EEFSEC: variants seen among roughly 807,000 people sequenced by gnomAD.
EEFSEC encodes the protein eukaryotic elongation factor, selenocysteine-tRNA specific, also known as selenocysteine-specific elongation factor.
EEFSEC carries 43 observed loss-of-function variants against 42.1 expected under a neutral mutation model. The ratio of observed to expected loss-of-function variants is 1.02; its 90% CI spans 0.80 to 1.32. EEFSEC has a LOEUF of 1.32. Ranked by LOEUF, EEFSEC falls within the 40% of genes most tolerant of loss-of-function variation. The probability of loss-of-function intolerance (pLI) is 0.00; values close to 1 mark genes in which losing one functional copy is unlikely to be tolerated. For missense variants in EEFSEC, 745 were observed against 803.6 expected (o/e 0.93, Z 0.88); for synonymous variants, 354 against 339.1 (o/e 1.04, Z -0.48).
chr3:128,357,610 G>A (rs935792498), intron 5 of EEFSEC, among the ~76,000 whole-genome samples: 6 of 152,218 alleles, frequency 3.9e-5, no homozygotes, highest in African/African-American at 1.2e-4. Flanking sequence ...ACTGTACATA[G>A]GGGTGTGTGC....
intron 4 of EEFSEC, among the ~76,000 whole-genome samples, chr3:128,284,815 T>C (rs568849232): frequency 1.2e-4 from 18 of 151,984 alleles, no homozygotes; most frequent in African/African-American, 4.1e-4. Flanking sequence ...CACTCCCCCA[T>C]GTCTACACGG....
the EEFSEC span, among the ~76,000 whole-genome samples, chr3:128,416,729 G>C: frequency 5.1e-4 from 78 of 152,258 alleles, 1 homozygote; most frequent in African/African-American, 1.5e-3. Flanking sequence ...TGGACAGCAT[G>C]AACTTGAAGC....
intron 1 of EEFSEC, among the ~76,000 whole-genome samples, chr3:128,166,087 G>A (rs533168259): frequency 1.3e-5 from 2 of 152,276 alleles, no homozygotes; most frequent in East Asian, 1.9e-4. Context: ...CAGAACTTAC[G>A]CTCTAGAGAG....
Position 128,288,819 on chromosome 3 carries a change from A to G in EEFSEC, c.786+24038A>G, listed in dbSNP as rs150307773. Among the ~76,000 whole-genome samples, 405 of 152,354 alleles carry G rather than the reference A, an allele frequency of 2.7e-3. 1 individual carries two copies. Among genetic ancestry groups the G allele is most frequent in the African/African-American group, 8.9e-3 (372 of 41,574 alleles). ...GTGCTATTGGACTGGGCCAGTGAAG[A>G]CAGCACAGGCATTTTCCAGTTTCAG... On this transcript the variant is annotated intron_variant, in intron 4 of 6. Coordinates refer to ENST00000254730, the MANE Select transcript of EEFSEC (RefSeq NM_021937.5).
intron 4 of EEFSEC, among the ~76,000 whole-genome samples, chr3:128,316,791 G>A (rs1316764246): frequency 6.6e-6 from 1 of 152,202 alleles, no homozygotes; most frequent in Non-Finnish European, 1.5e-5. Flanking sequence ...ATGCTGCTCA[G>A]TGCCATCATT....
At chr3:128,193,350 G>C (rs548025951) in intron 1 of EEFSEC, among the ~76,000 whole-genome samples, 127 of 152,350 alleles carry the variant, frequency 8.3e-4, no homozygotes, top group African/African-American at 2.9e-3. Context: ...TTTTCCAGCA[G>C]GGTGCATCTG....
At chr3:128,410,770 C>T (rs912355405), downstream of EEFSEC, among the ~76,000 whole-genome samples, 2 of 152,312 alleles carry the variant, frequency 1.3e-5, no homozygotes, top group African/African-American at 4.8e-5. Context: ...AGGCCCAGAA[C>T]CCCTCAGGAA....
At chr3:128,348,830 A>G (rs2067347780) in intron 5 of EEFSEC, among the ~76,000 whole-genome samples, 1 of 152,228 alleles carries the variant, frequency 6.6e-6, no homozygotes, top group Admixed American at 6.5e-5. Context: ...CCACATGCAG[A>G]TTCAGACCAG....
At chr3:128,212,497 G>A (rs2999090) in intron 1 of EEFSEC, among the ~76,000 whole-genome samples, 135,326 of 152,224 alleles carry the variant, frequency 0.89, 60,240 homozygotes, top group East Asian at 1. Context: ...ACCTCAGGAA[G>A]GCTGCTGGTA....
At chr3:128,183,079 C>T (rs1352897934) in intron 1 of EEFSEC, among the ~76,000 whole-genome samples, 1 of 152,128 alleles carries the variant, frequency 6.6e-6, no homozygotes, top group Non-Finnish European at 1.5e-5. Context: ...ACTTATTTAA[C>T]CTTTCTGAAC....
Position 128,248,237 on chromosome 3 carries a change from G to C in EEFSEC, c.524+1194G>C, listed in dbSNP as rs561377936. ...AGGGATGCTTCCTCTTTGCTATGCA[G>C]CCTGAGACAATATCCTGCCACTTCC... On this transcript the variant is annotated intron_variant, in intron 2 of 6. Transcript: ENST00000254730. 2.0e-5 allele frequency among the ~76,000 whole-genome samples: 3 copies of C among 152,304 alleles called. No homozygotes were observed. The East Asian group carries it at 5.8e-4, about 29-fold the overall frequency.
chr3:128,327,623 T>C (rs1277465974), intron 4 of EEFSEC, among the ~76,000 whole-genome samples: 1 of 152,044 alleles, frequency 6.6e-6, no homozygotes, highest in African/African-American at 2.4e-5. Context: ...CTGGGAAAGA[T>C]GTGCAGGAAG....
At chr3:128,192,255 G>A (rs577046968) in intron 1 of EEFSEC, among the ~76,000 whole-genome samples, 8 of 152,104 alleles carry the variant, frequency 5.3e-5, no homozygotes, top group Non-Finnish European at 1.0e-4. Context: ...CTGATGCCTC[G>A]TTTCTCTCCA....
intron 4 of EEFSEC, among the ~76,000 whole-genome samples, chr3:128,315,134 T>G (rs1032847824): frequency 6.6e-6 from 1 of 152,198 alleles, no homozygotes. Flanking sequence ...TTCCTTGCTA[T>G]GTGACTTGGG....
chr3:128,387,552 G>GAA (rs1196127130), intron 6 of EEFSEC, among the ~76,000 whole-genome samples: 4 of 152,120 alleles, frequency 2.6e-5, no homozygotes, highest in Non-Finnish European at 5.9e-5. Context: ...CTACCCCAGG[G>GAA]AGAACAGATA....
At chr3:128,218,966 A>G (rs557468475) in intron 1 of EEFSEC, among the ~76,000 whole-genome samples, 1 of 152,200 alleles carries the variant, frequency 6.6e-6, no homozygotes, top group Admixed American at 6.5e-5. Context: ...TGCTCTGTAC[A>G]TAATGTCCAG....
chr3:128,180,283 A>C (rs1406350954), intron 1 of EEFSEC, among the ~76,000 whole-genome samples: 3 of 152,224 alleles, frequency 2.0e-5, no homozygotes, highest in Non-Finnish European at 4.4e-5. Flanking sequence ...CTGTGAATCT[A>C]GACACACTCC....
chr3:128,210,136 G>A (rs2065741258), intron 1 of EEFSEC, among the ~76,000 whole-genome samples: 1 of 152,316 alleles, frequency 6.6e-6, no homozygotes, highest in South Asian at 2.1e-4. Flanking sequence ...CAGAGGTCTG[G>A]GCTTTGGGGC....
intron 2 of EEFSEC, among the ~76,000 whole-genome samples, chr3:128,257,150 T>C (rs538784855): frequency 6.6e-6 from 1 of 152,296 alleles, no homozygotes; most frequent in African/African-American, 2.4e-5. Flanking sequence ...ACTGTGATCA[T>C]TCTGGCTTTT....
Sources: allele counts gnomAD v4.1 joint callset (sites outside exome capture counted in the v4.1 genomes callset), GRCh38; gene constraint gnomAD v4.1.1; transcripts MANE v1.5; gene names NCBI Gene and HGNC (gene_info 2026-07-23, HGNC 2026-07-21).